The following FN1 variants were observed in gnomAD, a reference collection of about 807,000 sequenced individuals.
FN1 encodes fibronectin.
FN1 carries 106 observed loss-of-function variants against 297.3 expected under a neutral mutation model. That is an observed-to-expected ratio of 0.36 (90% CI 0.30 to 0.42). The LOEUF is 0.42. Ranked by LOEUF, FN1 falls within the 10% of genes least tolerant of loss-of-function variation. FN1 has a pLI of 1.00. For missense variants in FN1, 2,690 were observed against 3,124.9 expected, an observed-to-expected ratio of 0.86 and a Z score of 3.32; for synonymous variants, 1,149 against 1,152.6, an observed-to-expected ratio of 1.00 and a Z score of 0.06.
chr2:215,378,604 C>A (rs995763378), intron 34 of FN1, among the ~76,000 whole-genome samples: 19 of 152,206 alleles, frequency 1.2e-4, no homozygotes, highest in Admixed American at 5.9e-4. Flanking sequence ...CATAGAGAGG[C>A]AAAGAGAATG....
intron 33 of FN1, 78 bp downstream of exon 33, chr2:215,380,733 C>A: frequency 6.7e-7 from 1 of 1,498,184 alleles, no homozygotes; most frequent in Non-Finnish European, 9.3e-7. Context: ...AATCAATAGC[C>A]CAGTGAAGCA....
intron 13 of FN1, among the ~76,000 whole-genome samples, chr2:215,410,916 C>A (rs770393375): frequency 6.6e-6 from 1 of 152,200 alleles, no homozygotes; most frequent in Non-Finnish European, 1.5e-5. Flanking sequence ...CAGATATATT[C>A]CTCTCTGAAG....
At position 215,383,315 on chromosome 2, in the gene FN1, AGAT is replaced by A; in HGVS notation, c.5050+10_5050+12del. On this transcript the variant is annotated intron_variant, in intron 31 of 45. Transcript: ENST00000354785. ...GAGCCACCGCACCTGGCCGAGATGC[AGAT>A]GATTCTTACCTGGACCTGCAGTTTT... is the stretch of plus-strand genomic sequence containing the variant. 3 of 1,614,042 alleles carry A rather than the reference AGAT, an allele frequency of 1.9e-6. No individual in the cohort carries two copies. The highest frequency in any genetic ancestry group is 2.5e-6 in the Non-Finnish European group (3 of 1,179,930).
At position 215,391,797 on chromosome 2, in the gene FN1, C is replaced by A; in HGVS notation, c.4087G>T (p.Asp1363Tyr). ...GGACCAATGTTGGTGAATCGCAGGT[C>A]AGTGGGAGGAGGAACAGCTGGTTTC... ...TQQTAVPPPTDLRFTNIGPDT... is the reference protein window; with the variant it reads ...TQQTAVPPPTYLRFTNIGPDT... The change falls in exon 26 of 46, where the codon GAC becomes TAC. Residue 1363 changes from aspartate (D) to tyrosine (Y), a missense_variant. Coordinates refer to ENST00000354785, the MANE Select transcript of FN1 (RefSeq NM_212482.4). 6.2e-7 allele frequency: 1 copy of A among 1,614,026 alleles called. No individual in the cohort carries two copies. The highest frequency in any genetic ancestry group is 1.1e-5 in the South Asian group (1 of 91,066).
rs2065130422 is a variant in FN1, at chr2:215,425,277, G to A, written c.853C>T (p.Pro285Ser). The A allele has an allele frequency of 6.2e-7, 1 of 1,614,036 alleles. No homozygotes were observed. The highest frequency in any genetic ancestry group is 8.5e-7 in the Non-Finnish European group (1 of 1,180,016). Reference protein sequence around the residue: ...SVQTTSSGSGPFTDVRAAVYQ... With the variant: ...SVQTTSSGSGSFTDVRAAVYQ... ...ACAGCTGCACGAACATCGGTGAAGGGGCCAGATCCTAATGGCATGAAAAGG... is the reference window on the plus strand; with the variant it reads ...ACAGCTGCACGAACATCGGTGAAGGAGCCAGATCCTAATGGCATGAAAAGG... The change falls in exon 7 of 46, where the codon CCC becomes TCC. Residue 285 changes from proline (P) to serine (S), a missense_variant. Physicochemically the swap from Pro to Ser is moderately conservative, Grantham distance 74. This residue lies in a region of FN1 where 876 missense variants were observed against 1,058.1 expected (regional missense o/e 0.83). Coordinates refer to ENST00000354785, the MANE Select transcript of FN1 (RefSeq NM_212482.4).
At chr2:215,384,599 AAT>A (rs2058666067) in intron 29 of FN1, 2 of 435,026 alleles carry the variant, frequency 4.6e-6, no homozygotes, top group Non-Finnish European at 4.1e-6. Context: ...CACCACTGAT[AAT>A]ATGTTTGTGA....
chr2:215,427,024 C>T (rs1379200073), intron 6 of FN1, among the ~76,000 whole-genome samples: 2 of 151,814 alleles, frequency 1.3e-5, no homozygotes, highest in South Asian at 2.1e-4. Flanking sequence ...TACAGGCGCC[C>T]GCCACAACGC....
chr2:215,411,519 G>T (rs2062623182), intron 13 of FN1, among the ~76,000 whole-genome samples: 1 of 152,098 alleles, frequency 6.6e-6, no homozygotes, highest in Non-Finnish European at 1.5e-5. Flanking sequence ...TTCAACATGA[G>T]CTTGTTTGGT....
chr2:215,391,547 C>A (rs954067551), intron 26 of FN1, 85 bp downstream of exon 26: 3 of 1,219,696 alleles, frequency 2.5e-6, no homozygotes, highest in East Asian at 2.3e-5. Context: ...CTCTCTTGCT[C>A]TTAGCTCCTC....
chr2:215,373,559 CT>C (rs2056662971), intron 38 of FN1, 148 bp from the exon 39 acceptor site: 2 of 694,076 alleles, frequency 2.9e-6, no homozygotes. Context: ...TTCACTTTTC[CT>C]CCATAAACAC....
At chr2:215,399,214 G>A (rs1222404798) in intron 21 of FN1, 43 bp downstream of exon 21, 1 of 1,389,678 alleles carries the variant, frequency 7.2e-7, no homozygotes, top group Admixed American at 1.9e-5. Flanking sequence ...CACAAGGACA[G>A]CTCAGGGCTG....
At chr2:215,397,020 G>C in intron 23 of FN1, 117 bp downstream of exon 23, 1 of 796,142 alleles carries the variant, frequency 1.3e-6, no homozygotes, top group Non-Finnish European at 2.3e-6. Context: ...AGTTTTTATG[G>C]AGAGCTAAGC....
intron 27 of FN1, 74 bp from the exon 28 acceptor site, chr2:215,387,032 G>T: frequency 7.2e-7 from 1 of 1,385,368 alleles, no homozygotes; most frequent in Non-Finnish European, 9.9e-7. Context: ...TGAGGAAGGT[G>T]TAGGGGAAAT....
chr2:215,394,498 T>C, intron 24 of FN1, 30 bp downstream of exon 24: 1 of 1,560,236 alleles, frequency 6.4e-7, no homozygotes, highest in Non-Finnish European at 8.8e-7. Flanking sequence ...GAAGTGTCAC[T>C]CTCAGGATAG....
intron 13 of FN1, among the ~76,000 whole-genome samples, chr2:215,413,914 C>A (rs1414974167): frequency 2.6e-5 from 4 of 152,116 alleles, no homozygotes; most frequent in African/African-American, 9.7e-5. Context: ...GTTCTTTCCA[C>A]TAATTTTCTG....
intron 23 of FN1, among the ~76,000 whole-genome samples, chr2:215,396,488 G>A (rs2060325031): frequency 6.6e-6 from 1 of 151,888 alleles, no homozygotes; most frequent in African/African-American, 2.4e-5. Flanking sequence ...AAAATGGTCA[G>A]GAAACCCCTT....
At chr2:215,422,813 G>A (rs1487794430) in intron 9 of FN1, among the ~76,000 whole-genome samples, 1 of 152,054 alleles carries the variant, frequency 6.6e-6, no homozygotes, top group Admixed American at 6.5e-5. Context: ...AAAGGTATTC[G>A]TTTCCATTTG....
chr2:215,431,986 T>C (rs2066599510), intron 3 of FN1, 22 bp from the exon 4 acceptor site: 1 of 1,613,474 alleles, frequency 6.2e-7, no homozygotes, highest in Non-Finnish European at 8.5e-7. Flanking sequence ...ACAACGAAAA[T>C]GTTAGGAGAG....
rs1303601738 is a variant in FN1, at chr2:215,407,216, T to A, written c.2624A>T (p.Gln875Leu). 6.2e-7 allele frequency: 1 copy of A among 1,614,040 alleles called. No homozygotes were observed. The highest frequency in any genetic ancestry group is 1.1e-5 in the South Asian group (1 of 91,080). Residue 875 changes from glutamine (Q) to leucine (L), a missense_variant, in exon 18 of 46, where the codon CAG (glutamine) becomes CTG (leucine). Physicochemically the swap from Gln to Leu is moderately radical, Grantham distance 113. Coordinates refer to ENST00000354785, the MANE Select transcript of FN1 (RefSeq NM_212482.4). ...VTLSDLQPGV[Q>L]YNITIYAVEE... ...CACAGCATAGATAGTGATGTTATAC[T>A]GAACACCAGGTTGCAAGTCACTGAG...
Sources: allele counts gnomAD v4.1 joint callset (sites outside exome capture counted in the v4.1 genomes callset), GRCh38; gene constraint gnomAD v4.1.1; regional missense constraint gnomAD v4.1.1; transcripts MANE v1.5; gene names NCBI Gene and HGNC (gene_info 2026-07-23, HGNC 2026-07-21).